The following WDFY2 variants were observed in gnomAD, a reference collection of about 807,000 sequenced individuals.
WDFY2 encodes WD repeat and FYVE domain-containing protein 2.
In WDFY2, 36 loss-of-function variants were observed where a neutral mutation model predicts 56.4. That is an observed-to-expected ratio of 0.64 (90% CI 0.49 to 0.84). WDFY2 has a LOEUF of 0.84. Among genes scored for constraint, WDFY2 ranks in the 40% least tolerant of loss-of-function variants. The probability of loss-of-function intolerance (pLI) is 0.00; values close to 1 mark genes in which losing one functional copy is unlikely to be tolerated. For missense variants in WDFY2, 444 were observed against 512.2 expected, an observed-to-expected ratio of 0.87 and a Z score of 1.29; for synonymous variants, 176 against 183.7, an observed-to-expected ratio of 0.96 and a Z score of 0.34.
intron 4 of WDFY2, among the ~76,000 whole-genome samples, chr13:51,711,939 G>A (rs961955956): frequency 6.6e-6 from 1 of 152,174 alleles, no homozygotes; most frequent in Non-Finnish European, 1.5e-5. Context: ...TACATTACTG[G>A]TTATATACCC....
intron 1 of WDFY2, among the ~76,000 whole-genome samples, chr13:51,614,391 A>G (rs1365959756): frequency 6.6e-6 from 1 of 152,228 alleles, no homozygotes; most frequent in Non-Finnish European, 1.5e-5. Context: ...ACTCATTCAC[A>G]ATGTCTTAAA....
chr13:51,654,698 T>G (rs1245675090), intron 1 of WDFY2, among the ~76,000 whole-genome samples: 1 of 152,254 alleles, frequency 6.6e-6, no homozygotes, highest in Non-Finnish European at 1.5e-5. Flanking sequence ...AACTTACTTC[T>G]AAGGCTTTGT....
chr13:51,597,639 G>A (rs1954176917), intron 1 of WDFY2, among the ~76,000 whole-genome samples: 1 of 152,194 alleles, frequency 6.6e-6, no homozygotes, highest in African/African-American at 2.4e-5. Context: ...GGATGGATTT[G>A]CAGAGAGAAT....
chr13:51,727,705 T>G lies in WDFY2; in HGVS notation c.513T>G (p.Phe171Leu). 1 of 1,614,144 alleles carries G rather than the reference T, an allele frequency of 6.2e-7. No homozygotes were observed. Reference sequence around the variant, plus strand: ...TTGATGTTGAAACCCGGCATGTGTTTATCGGTGACCACTCAGGCCAAGTAA... The same window carrying G: ...TTGATGTTGAAACCCGGCATGTGTTGATCGGTGACCACTCAGGCCAAGTAA... ...LQFDVETRHV[F>L]IGDHSGQVTI... Residue 171 changes from phenylalanine to leucine, a missense_variant, in exon 6 of 12, where the codon TTT becomes TTG. Transcript: ENST00000298125.
intron 2 of WDFY2, among the ~76,000 whole-genome samples, chr13:51,668,203 A>G (rs1431901313): frequency 2.0e-5 from 3 of 152,146 alleles, no homozygotes; most frequent in Non-Finnish European, 4.4e-5. Context: ...TTTATTGGAA[A>G]TGAAGCTAAT....
intron 2 of WDFY2, among the ~76,000 whole-genome samples, chr13:51,662,296 G>C (rs1332778154): frequency 6.6e-6 from 1 of 152,098 alleles, no homozygotes; most frequent in African/African-American, 2.4e-5. Flanking sequence ...GATATAACCA[G>C]TATTTTTTCT....
At position 51,762,268 on chromosome 13, in the gene WDFY2, G is replaced by C. The variant is rs1490128085; in HGVS notation, c.*2499G>C. 6.6e-6 allele frequency: 1 copy of C among 152,184 alleles called. No individual in the cohort carries two copies. Among genetic ancestry groups the C allele is most frequent in the East Asian group, 1.9e-4 (1 of 5,176 alleles). The allele number at this position is 152,184 out of a possible 1,614,324, so 9.4% of individuals were successfully genotyped here. A position where few individuals can be genotyped will look rare whatever the true frequency, so the allele number is the denominator to read the frequency against. The stretch of plus-strand genomic sequence containing the variant: ...GTCTAGATGCGTTCAGACCTCATTC[G>C]GGAAGCAGAGTGTCCCCGTCAGATC... On this transcript the variant is annotated 3_prime_UTR_variant, in exon 12 of 12. Coordinates refer to ENST00000298125, the MANE Select transcript of WDFY2 (RefSeq NM_052950.4).
At chr13:51,661,022 T>A (rs1279135814) in intron 2 of WDFY2, among the ~76,000 whole-genome samples, 1 of 152,238 alleles carries the variant, frequency 6.6e-6, no homozygotes, top group Non-Finnish European at 1.5e-5. Flanking sequence ...GAAGTAAATT[T>A]GTCCTTGCCT....
rs185009361 is a variant in WDFY2, at chr13:51,718,210, G to A, written c.335-988G>A. 2.0e-5 allele frequency among the ~76,000 whole-genome samples: 3 copies of A among 152,260 alleles called. No individual in the cohort carries two copies. In the East Asian group the frequency reaches 5.8e-4, roughly 29 times the overall value. ...GTGTTCATGCCCCATCAGACTGCCA[G>A]CCCTTGGGAGCAGGGCCCAGTGAGA... On this transcript the variant is annotated intron_variant, in intron 4 of 11. Transcript: ENST00000298125.
chr13:51,686,253 C>T (rs148774879), intron 3 of WDFY2, among the ~76,000 whole-genome samples: 38 of 152,214 alleles, frequency 2.5e-4, no homozygotes, highest in African/African-American at 8.4e-4. Flanking sequence ...CCTCAGTTTA[C>T]TCACTGTTCA....
intron 1 of WDFY2, among the ~76,000 whole-genome samples, chr13:51,605,032 G>T (rs751071465): frequency 1.4e-4 from 21 of 152,232 alleles, no homozygotes; most frequent in Admixed American, 2.6e-4. Flanking sequence ...AAGCCTTGGG[G>T]ATGGATGCAA....
chr13:51,675,871 C>G lies in WDFY2; in HGVS notation c.279+628C>G, dbSNP rs990526734. ...GATTGGAATTTTGGCTTTTATTTAC[C>G]TACTTAATCTTTCTACATACTAAGT... On this transcript the variant is annotated intron_variant, in intron 3 of 11. Transcript: ENST00000298125. 2.0e-5 allele frequency among the ~76,000 whole-genome samples: 3 copies of G among 152,222 alleles called. No homozygotes were observed. In the South Asian group the frequency reaches 6.2e-4, roughly 32 times the overall value.
In WDFY2 at chr13:51,671,597, A is replaced by G. The variant is rs550841915; in HGVS notation, c.206-3573A>G. On this transcript the variant is annotated intron_variant, in intron 2 of 11. Transcript: ENST00000298125. ...GTGCTAATTTGTTTGAGTTCCTTGT[A>G]GATTCTGCATATTAGTCCTTTGTTG... Among the ~76,000 whole-genome samples, 9 of 151,900 alleles carry G rather than the reference A, an allele frequency of 5.9e-5. No individual in the cohort carries two copies. The East Asian group carries it at 1.7e-3, about 29-fold the overall frequency.
chr13:51,585,364 G>A (rs1953916911), intron 1 of WDFY2, among the ~76,000 whole-genome samples: 1 of 152,242 alleles, frequency 6.6e-6, no homozygotes. Flanking sequence ...CCAAGAGTAA[G>A]TTTAGGCTTC....
At chr13:51,718,978 A>T (rs1479810952) in intron 4 of WDFY2, among the ~76,000 whole-genome samples, 1 of 152,072 alleles carries the variant, frequency 6.6e-6, no homozygotes, top group Non-Finnish European at 1.5e-5. Context: ...GAAGAGATGG[A>T]TAGTTTTTTT....
At chr13:51,715,266 A>C (rs191784299) in intron 4 of WDFY2, among the ~76,000 whole-genome samples, 3 of 152,324 alleles carry the variant, frequency 2.0e-5, no homozygotes, top group East Asian at 1.9e-4. Flanking sequence ...CAGCTTTTCA[A>C]CTTTTTTGTA....
intron 2 of WDFY2, among the ~76,000 whole-genome samples, chr13:51,667,177 G>A (rs1377618790): frequency 6.6e-6 from 1 of 152,154 alleles, no homozygotes; most frequent in Non-Finnish European, 1.5e-5. Flanking sequence ...CAATATTACT[G>A]TCATTGCTGA....
chr13:51,617,354 T>G (rs916205263), intron 1 of WDFY2, among the ~76,000 whole-genome samples: 25 of 152,086 alleles, frequency 1.6e-4, no homozygotes, highest in African/African-American at 6.0e-4. Context: ...TTCTTTTTTT[T>G]TTTGAGATGT....
At chr13:51,748,339 C>CT (rs569684942) in intron 7 of WDFY2, among the ~76,000 whole-genome samples, 152 of 152,304 alleles carry the variant, frequency 1.0e-3, no homozygotes, top group African/African-American at 3.4e-3. Flanking sequence ...TGGATGTGCT[C>CT]TTGTGATCAG....
Sources: gnomAD v4.1 joint callset for allele counts (sites outside exome capture counted in the v4.1 genomes callset) on GRCh38, gnomAD v4.1.1 for gene constraint, MANE v1.5 for transcripts, NCBI Gene and HGNC (gene_info 2026-07-23, HGNC 2026-07-21) for gene names.